Variants in BCL9L observed in about 807,000 individuals in gnomAD.
BCL9L encodes BCL9 like, also known as B-cell CLL/lymphoma 9-like protein.
In BCL9L, 19 loss-of-function variants were observed where a neutral mutation model predicts 99.4. The ratio of observed to expected loss-of-function variants is 0.19; its 90% CI spans 0.13 to 0.28. The LOEUF (loss-of-function observed/expected upper bound fraction) is 0.28. BCL9L is among the 10% of genes least tolerant of loss of function. BCL9L has a pLI of 1.00. For synonymous variants in BCL9L, 900 were observed against 854.8 expected, an observed-to-expected ratio of 1.05 and a Z score of -0.92; for missense variants, 2,023 against 2,101.6, an observed-to-expected ratio of 0.96 and a Z score of 0.73.
rs1342123453 is a variant in BCL9L, at chr11:118,896,253, G to A, written c.*2162C>T. 2.4e-5 allele frequency: 4 copies of A among 166,060 alleles called. No individual in the cohort carries two copies. The East Asian group carries it at 5.8e-4, about 24-fold the overall frequency. The allele number at this position is 166,060 out of a possible 1,614,324, so 10.3% of individuals were successfully genotyped here. A position where few individuals can be genotyped will look rare whatever the true frequency, so the allele number is the denominator to read the frequency against. On this transcript the variant is annotated 3_prime_UTR_variant, in exon 10 of 10. Coordinates refer to ENST00000683865, the MANE Select transcript of BCL9L (RefSeq NM_001378213.1). ...ATTGTTTCAAAATAAAAACCAAGAAGATGTCTTCACATATTGTATTTATAT... is the reference window on the plus strand; with the variant it reads ...ATTGTTTCAAAATAAAAACCAAGAAAATGTCTTCACATATTGTATTTATAT...
At position 118,921,490 on chromosome 11, in the gene BCL9L, G is replaced by A. The variant is rs941437658; in HGVS notation, c.-130-2611C>T. On this transcript the variant is annotated intron_variant, in intron 1 of 9. Transcript: ENST00000683865. The surrounding 1 kb of genome is among the most constrained non-coding windows in gnomAD (Gnocchi z 5.4). Reference sequence around the variant, plus strand: ...TCAGGGCCATTCCGAGTTGAGGCTGGGGGTGGGGAAGTGGAGAGTGAGGAG... The same window carrying A: ...TCAGGGCCATTCCGAGTTGAGGCTGAGGGTGGGGAAGTGGAGAGTGAGGAG... Among the ~76,000 whole-genome samples the A allele has an allele frequency of 6.6e-6, 1 of 152,170 alleles. No individual in the cohort carries two copies. Among genetic ancestry groups the A allele is most frequent in the African/African-American group, 2.4e-5 (1 of 41,428 alleles).
At chr11:118,904,838 G>A (rs1438592656) in intron 5 of BCL9L, among the ~76,000 whole-genome samples, 1 of 152,210 alleles carries the variant, frequency 6.6e-6, no homozygotes, top group Admixed American at 6.5e-5. Context: ...AAACGGCCCT[G>A]CTCTGGACCC....
rs965518892 is a variant in BCL9L, at chr11:118,898,160, G to A, written c.*255C>T. The A allele has an allele frequency of 1.7e-6, 1 of 588,086 alleles. No homozygotes were observed. The highest frequency in any genetic ancestry group is 1.9e-5 in the African/African-American group (1 of 53,530). 36.4% of individuals were successfully genotyped at this position (588,086 alleles called of 1,614,324 possible). ...AAAATAGAGAGGCTCCATAGGAATT[G>A]GGAGGAGTGGGGGAGGGGCAGTCCT... On this transcript the variant is annotated 3_prime_UTR_variant, in exon 10 of 10. Transcript: ENST00000683865.
chr11:118,909,913 C>G lies in BCL9L; in HGVS notation c.26+1G>C. The G allele has an allele frequency of 6.2e-7, 1 of 1,614,158 alleles. No individual in the cohort carries two copies. The highest frequency in any genetic ancestry group is 8.5e-7 in the Non-Finnish European group (1 of 1,179,994). On this transcript the variant is annotated splice_donor_variant, in intron 3 of 9. Coordinates refer to ENST00000683865, the MANE Select transcript of BCL9L (RefSeq NM_001378213.1). LOFTEE classifies it high-confidence loss of function. Reference sequence around the variant, plus strand: ...TCCCACCCGCCACGACACCCACACACCTTGTCTTGTTAGCCAGGATCCTCA... The same window carrying G: ...TCCCACCCGCCACGACACCCACACAGCTTGTCTTGTTAGCCAGGATCCTCA...
intron 2 of BCL9L, 193 bp from the exon 3 acceptor site, chr11:118,910,208 C>T: frequency 2.0e-6 from 1 of 508,602 alleles, no homozygotes; most frequent in Admixed American, 3.2e-5. Flanking sequence ...CCGCACCTTG[C>T]CCTCAGGGGG....
Position 118,902,160 on chromosome 11 carries a change from T to C in BCL9L, c.1583A>G (p.Tyr528Cys), listed in dbSNP as rs746331919. The C allele has an allele frequency of 1.9e-6, 3 of 1,614,118 alleles. No homozygotes were observed. Among genetic ancestry groups the C allele is most frequent in the Admixed American group, 3.3e-5 (2 of 60,030 alleles). ...VAWRKLQEEY[Y>C]EEKRRKEEQI... ...TTCCTCTTTCCGCCGTTTCTCTTCG[T>C]AGTACTCCTCCTGCAGCTTGCGCCA... The change falls in exon 8 of 10, where the codon TAC becomes TGC. Residue 528 changes from tyrosine to cysteine, a missense_variant. By Grantham distance (194) the Tyr-to-Cys change is radical. Transcript: ENST00000683865. This position sits in a 1 kb window ranked among gnomAD's most constrained non-coding sequence, Gnocchi z 7.8.
Position 118,901,520 on chromosome 11 carries a change from C to G in BCL9L, c.2223G>C (p.Glu741Asp). 1 of 1,614,168 alleles carries G rather than the reference C, an allele frequency of 6.2e-7. No individual in the cohort carries two copies. The highest frequency in any genetic ancestry group is 1.6e-4 in the Middle Eastern group (1 of 6,062). ...TCAGGAGGCCCCGGCCTCCACCAAA[C>G]TCCATGCCCATGGGAGTGCCCGCCA... ...EGLAGTPMGMEFGGGRGLLSP... is the reference protein window; with the variant it reads ...EGLAGTPMGMDFGGGRGLLSP... The change falls in exon 8 of 10, where the codon GAG (glutamate) becomes GAC (aspartate). Residue 741 changes from glutamate to aspartate, a missense_variant. Glu to Asp is a conservative substitution (Grantham distance 45, BLOSUM62 2). Coordinates refer to ENST00000683865, the MANE Select transcript of BCL9L (RefSeq NM_001378213.1). This position sits in a 1 kb window ranked among gnomAD's most constrained non-coding sequence, Gnocchi z 6.6.
In BCL9L at chr11:118,908,660, G is replaced by A; in HGVS notation, c.27-5C>T. ...CTCCTCCTGGGGTGGGGTAACCTGG[G>A]AGGAGGTGGGAGAAATGTGAAAAGT... On this transcript the variant is annotated splice_region_variant and splice_polypyrimidine_tract_variant and intron_variant, in intron 3 of 9. Coordinates refer to ENST00000683865, the MANE Select transcript of BCL9L (RefSeq NM_001378213.1). 2 of 1,601,656 alleles carry A rather than the reference G, an allele frequency of 1.2e-6. No individual in the cohort carries two copies. The highest frequency in any genetic ancestry group is 1.7e-6 in the Non-Finnish European group (2 of 1,173,746).
rs1565612583 is a variant in BCL9L, at chr11:118,899,326, G to C, written c.3589C>G (p.Pro1197Ala). The C allele has an allele frequency of 1.9e-6, 3 of 1,558,824 alleles. No individual in the cohort carries two copies. Among genetic ancestry groups the C allele is most frequent in the Admixed American group, 1.9e-5 (1 of 52,540 alleles). The change falls in exon 10 of 10, where the codon CCC (proline) becomes GCC (alanine). Residue 1197 changes from proline (P) to alanine (A), a missense_variant. Around this residue, in one of 3 missense-constraint regions of BCL9L, gnomAD observed 902 missense variants for 888.2 expected, o/e 1.02. Coordinates refer to ENST00000683865, the MANE Select transcript of BCL9L (RefSeq NM_001378213.1). Reference sequence around the variant, plus strand: ...GCCATCATCATGGAGTTTTGAGGGGGCCCCCCTGTCCCCTGTGCGTTGGGA... The same window carrying C: ...GCCATCATCATGGAGTTTTGAGGGGCCCCCCCTGTCCCCTGTGCGTTGGGA... ...LHPNAQGTGG[P>A]PQNSMMMAPG...
chr11:118,914,505 C>A lies in BCL9L; in HGVS notation c.-77+4321G>T, dbSNP rs1221072239. 1.3e-5 allele frequency among the ~76,000 whole-genome samples: 2 copies of A among 152,198 alleles called. No homozygotes were observed. Among genetic ancestry groups the A allele is most frequent in the Non-Finnish European group, 2.9e-5 (2 of 68,026 alleles). ...GCAGCAGCAGCACCTGGGGGCCCCA[C>A]GAGCTCTGCCCACATTGACATCCAG... is the stretch of plus-strand genomic sequence containing the variant. On this transcript the variant is annotated intron_variant, in intron 2 of 9. Coordinates refer to ENST00000683865, the MANE Select transcript of BCL9L (RefSeq NM_001378213.1). This position sits in a 1 kb window ranked among gnomAD's most constrained non-coding sequence, Gnocchi z 4.4.
chr11:118,901,071 G>A lies in BCL9L; in HGVS notation c.2672C>T (p.Pro891Leu). 10 of 1,604,748 alleles carry A rather than the reference G, an allele frequency of 6.2e-6. No individual in the cohort carries two copies. The highest frequency in any genetic ancestry group is 8.5e-6 in the Non-Finnish European group (10 of 1,174,808). Residue 891 changes from proline to leucine, a missense_variant, in exon 8 of 10, where the codon CCT (proline) becomes CTT (leucine). Around this residue, in one of 3 missense-constraint regions of BCL9L, gnomAD observed 902 missense variants for 888.2 expected, o/e 1.02. Transcript: ENST00000683865. This position sits in a 1 kb window ranked among gnomAD's most constrained non-coding sequence, Gnocchi z 6.6. ...NVGTTRLSHM[P>L]LPPASNPPGT... The stretch of plus-strand genomic sequence containing the variant: ...AGGAGGATTGGACGCAGGGGGCAGA[G>A]GCATGTGGCTGAGCCGGGTGGTGCC...
At chr11:118,920,765 G>C (rs1196288001) in intron 1 of BCL9L, among the ~76,000 whole-genome samples, 1 of 152,146 alleles carries the variant, frequency 6.6e-6, no homozygotes, top group East Asian at 1.9e-4. Flanking sequence ...CCAGTCCCCA[G>C]GGAGAGTTTA....
At chr11:118,911,246 T>C in intron 2 of BCL9L, 1 of 454,486 alleles carries the variant, frequency 2.2e-6, no homozygotes, top group South Asian at 1.6e-5. Flanking sequence ...AGGGGAGGAG[T>C]CTTGGGCCCA....
Position 118,901,235 on chromosome 11 carries a change from C to A in BCL9L, c.2508G>T (p.Leu836=). The A allele has an allele frequency of 6.2e-7, 1 of 1,614,056 alleles. No individual in the cohort carries two copies. The highest frequency in any genetic ancestry group is 1.3e-5 in the African/African-American group (1 of 75,042). Residue 836 remains leucine (L), a synonymous_variant, in exon 8 of 10, where the codon CTG becomes CTT. Transcript: ENST00000683865. The surrounding 1 kb of genome is among the most constrained non-coding windows in gnomAD (Gnocchi z 6.6). ...SGVMGGPQKM[L]MPSQFPNQGQ... ...CCTGGTTGGGAAACTGTGAAGGCATCAGCATCTTCTGCGGGCCGCCCATCA... is the reference window on the plus strand; with the variant it reads ...CCTGGTTGGGAAACTGTGAAGGCATAAGCATCTTCTGCGGGCCGCCCATCA...
chr11:118,913,844 G>A (rs888629531), intron 2 of BCL9L, among the ~76,000 whole-genome samples: 49 of 152,192 alleles, frequency 3.2e-4, no homozygotes, highest in Admixed American at 3.2e-3. Flanking sequence ...AGGGAGCCAG[G>A]CTGGCAGGGA....
chr11:118,907,542 T>C lies in BCL9L; in HGVS notation c.473A>G (p.Asp158Gly). ...ACTGTCCGGTCCAGAGCACCATTCGTCCCCACTGTACGGCTGCTTCCGCTC... is the reference window on the plus strand; with the variant it reads ...ACTGTCCGGTCCAGAGCACCATTCGCCCCCACTGTACGGCTGCTTCCGCTC... The part of the protein sequence containing the change: ...VLERKQPYSG[D>G]EWCSGPDSEE... The change falls in exon 5 of 10, where the codon GAC (aspartate) becomes GGC (glycine). Residue 158 changes from aspartate to glycine, a missense_variant. Asp to Gly is a moderately conservative substitution (Grantham distance 94, BLOSUM62 -1). Coordinates refer to ENST00000683865, the MANE Select transcript of BCL9L (RefSeq NM_001378213.1). 3 of 1,614,112 alleles carry C rather than the reference T, an allele frequency of 1.9e-6. No homozygotes were observed. The highest frequency in any genetic ancestry group is 2.5e-6 in the Non-Finnish European group (3 of 1,180,026).
Position 118,898,294 on chromosome 11 carries a change from G to GCCCCCCCACCCCCCCCCCCCCCC in BCL9L, c.*120_*121insGGGGGGGGGGGGGGGTGGGGGGG. 2.2e-6 allele frequency: 1 copy of GCCCCCCCACCCCCCCCCCCCCCC among 452,312 alleles called. No individual in the cohort carries two copies. The highest frequency in any genetic ancestry group is 4.1e-6 in the Non-Finnish European group (1 of 244,762). 28.0% of individuals were successfully genotyped at this position (452,312 alleles called of 1,614,324 possible). A position where few individuals can be genotyped will look rare whatever the true frequency, so the allele number is the denominator to read the frequency against. ...TCCACAAATGCCACTCCCTACACAA[G>GCCCCCCCACCCCCCCCCCCCCCC]CCCCCTCCCACCCCCTCCACCCCAC... On this transcript the variant is annotated 3_prime_UTR_variant, in exon 10 of 10. Transcript: ENST00000683865.
rs1305656631 is a variant in BCL9L, at chr11:118,903,688, GC to G, written c.533-237del. Among the ~76,000 whole-genome samples, 3 of 152,344 alleles carry G rather than the reference GC, an allele frequency of 2.0e-5. No homozygotes were observed. The highest frequency in any genetic ancestry group is 6.5e-5 in the Admixed American group (1 of 15,308). On this transcript the variant is annotated intron_variant, in intron 5 of 9. Coordinates refer to ENST00000683865, the MANE Select transcript of BCL9L (RefSeq NM_001378213.1). The surrounding 1 kb of genome is among the most constrained non-coding windows in gnomAD (Gnocchi z 5.6). ...CAGGCTCCCATGGGCCTGGCATTCT[GC>G]TGGGGACTTAACAGGTGTGATTTCA...
intron 5 of BCL9L, among the ~76,000 whole-genome samples, chr11:118,905,092 G>A (rs1364738196): frequency 1.3e-5 from 2 of 152,196 alleles, no homozygotes; most frequent in Non-Finnish European, 2.9e-5. Context: ...TACAGATGAG[G>A]AAACTGAGGC....
Sources: allele counts gnomAD v4.1 joint callset (sites outside exome capture counted in the v4.1 genomes callset), GRCh38; gene constraint gnomAD v4.1.1; regional missense constraint gnomAD v4.1.1; non-coding constraint Gnocchi (gnomAD v3.1); transcripts MANE v1.5; gene names NCBI Gene and HGNC (gene_info 2026-07-23, HGNC 2026-07-21).